The following KDM4C variants were observed in gnomAD, a reference collection of about 807,000 sequenced individuals.
KDM4C encodes lysine-specific demethylase 4C.
In KDM4C, 81 loss-of-function variants were observed where a neutral mutation model predicts 129.3. The observed-to-expected ratio is 0.63, with a 90% CI of 0.52 to 0.75. KDM4C has a LOEUF of 0.75. Ranked by LOEUF, KDM4C falls within the 30% of genes least tolerant of loss-of-function variation. The probability of loss-of-function intolerance (pLI) is 0.00; values close to 1 mark genes in which losing one functional copy is unlikely to be tolerated. For missense variants in KDM4C, 1,457 were observed against 1,304.0 expected (o/e 1.12, Z -1.81); for synonymous variants, 573 against 456.1 (o/e 1.26, Z -3.26).
chr9:6,866,331 A>G (rs1841974853), intron 5 of KDM4C, among the ~76,000 whole-genome samples: 1 of 151,156 alleles, frequency 6.6e-6, no homozygotes, highest in Admixed American at 6.6e-5. Context: ...TTGGTTCCAG[A>G]TGGTGCCTTC....
chr9:6,853,997 C>T (rs1007864333), intron 5 of KDM4C, among the ~76,000 whole-genome samples: 1 of 152,014 alleles, frequency 6.6e-6, no homozygotes, highest in Non-Finnish European at 1.5e-5. Context: ...TACAAATACT[C>T]ATAATTACTA....
intron 1 of KDM4C, among the ~76,000 whole-genome samples, chr9:6,765,948 C>T (rs936040851): frequency 4.6e-5 from 7 of 152,078 alleles, no homozygotes; most frequent in African/African-American, 1.7e-4. Flanking sequence ...GCCACCGCAC[C>T]AGGCTAATTT....
intron 17 of KDM4C, among the ~76,000 whole-genome samples, chr9:7,082,538 A>G (rs533631146): frequency 4.6e-5 from 7 of 152,252 alleles, no homozygotes; most frequent in African/African-American, 1.4e-4. Context: ...GCAGATACAG[A>G]GCTCTGATTG....
At chr9:6,922,863 T>G (rs1046677160) in intron 8 of KDM4C, among the ~76,000 whole-genome samples, 9 of 152,250 alleles carry the variant, frequency 5.9e-5, no homozygotes, top group Non-Finnish European at 1.2e-4. Context: ...CAGGAAGAGA[T>G]GCTTATCTCT....
In KDM4C at chr9:6,761,619, C is replaced by T. The variant is rs146369796; in HGVS notation, c.-18+3416C>T. 4.8e-3 allele frequency among the ~76,000 whole-genome samples: 728 copies of T among 152,262 alleles called. 7 individuals are homozygous for T. The highest frequency in any genetic ancestry group is 0.017 in the African/African-American group (706 of 41,550). The stretch of plus-strand genomic sequence containing the variant: ...ACAGGCGTGAGCCACTGCACCTGGC[C>T]TGATCATCCCTTCCTGTTAGCACAG... On this transcript the variant is annotated intron_variant, in intron 1 of 21. Coordinates refer to ENST00000381309, the MANE Select transcript of KDM4C (RefSeq NM_015061.6).
intron 2 of KDM4C, among the ~76,000 whole-genome samples, chr9:6,801,528 T>C (rs1828966346): frequency 6.6e-6 from 1 of 151,268 alleles, no homozygotes; most frequent in Non-Finnish European, 1.5e-5. Context: ...TGAGCTACCG[T>C]GCCCAGCCTG....
intron 12 of KDM4C, among the ~76,000 whole-genome samples, 162 bp downstream of exon 12, chr9:6,990,686 G>T (rs1304157610): frequency 6.6e-6 from 1 of 152,034 alleles, no homozygotes; most frequent in Non-Finnish European, 1.5e-5. Context: ...AAGGAATTTG[G>T]AACTTAGAGG....
intron 1 of KDM4C, among the ~76,000 whole-genome samples, chr9:6,724,717 G>C (rs1817065855): frequency 6.6e-6 from 1 of 152,028 alleles, no homozygotes; most frequent in Non-Finnish European, 1.5e-5. Flanking sequence ...TTTTAGTAGA[G>C]ATGGGGTTTC....
intron 4 of KDM4C, among the ~76,000 whole-genome samples, chr9:6,828,503 C>A (rs1834259746): frequency 6.6e-6 from 1 of 152,056 alleles, no homozygotes; most frequent in African/African-American, 2.4e-5. Context: ...TGGGCTGCCA[C>A]TTGAGGTAAG....
At chr9:6,806,040 A>G (rs554092003) in intron 3 of KDM4C, among the ~76,000 whole-genome samples, 68 of 152,260 alleles carry the variant, frequency 4.5e-4, no homozygotes, top group African/African-American at 1.5e-3. Flanking sequence ...TTTCGTTTCT[A>G]CACATGATTC....
chr9:6,831,608 C>T (rs946238069), intron 4 of KDM4C, among the ~76,000 whole-genome samples: 3 of 152,138 alleles, frequency 2.0e-5, no homozygotes. Flanking sequence ...CTCTAAAGTG[C>T]TGGGATTACA....
intron 8 of KDM4C, chr9:6,974,829 C>T (rs1280315177): frequency 6.6e-6 from 1 of 152,146 alleles, no homozygotes; most frequent in Admixed American, 6.5e-5. Context: ...ACTTTATCTA[C>T]CCCCGAATAC....
chr9:6,775,467 G>A (rs1045559469), intron 1 of KDM4C, among the ~76,000 whole-genome samples: 16 of 151,992 alleles, frequency 1.1e-4, no homozygotes, highest in African/African-American at 3.6e-4. Flanking sequence ...ATGCTGTAAT[G>A]AACATTATTG....
chr9:6,985,756 T>A (rs2381527), intron 10 of KDM4C, among the ~76,000 whole-genome samples: 23,484 of 152,164 alleles, frequency 0.15, 2,254 homozygotes, highest in South Asian at 0.38. Flanking sequence ...CGTGGCACAA[T>A]CATAGCTCCC....
chr9:7,046,844 A>T lies in KDM4C; in HGVS notation c.2260-18A>T. The T allele has an allele frequency of 6.3e-7, 1 of 1,588,146 alleles. No individual in the cohort carries two copies. The highest frequency in any genetic ancestry group is 8.6e-7 in the Non-Finnish European group (1 of 1,156,962). On this transcript the variant is annotated intron_variant, in intron 15 of 21. Transcript: ENST00000381309. ...TATGTGGGTCTGGTCATCATGTGGT[A>T]TTTTCTTTTCCCCCCAGGAATGCTG...
chr9:6,986,603 C>G lies in KDM4C; in HGVS notation c.1614C>G (p.Gly538=). ...EESDVESHGN[G]LEPGEIPAVP... is the part of the protein sequence containing the mutation. Reference sequence around the variant, plus strand: ...GTGATGTGGAGAGCCATGGGAATGGCCTTGAACCTGGGGAAATCCCAGCGG... The same window carrying G: ...GTGATGTGGAGAGCCATGGGAATGGGCTTGAACCTGGGGAAATCCCAGCGG... The change falls in exon 11 of 22, where the codon GGC becomes GGG. Residue 538 remains glycine (G), a synonymous_variant. Transcript: ENST00000381309. The G allele has an allele frequency of 6.2e-7, 1 of 1,614,012 alleles. No homozygotes were observed. Among genetic ancestry groups the G allele is most frequent in the South Asian group, 1.1e-5 (1 of 91,076 alleles).
chr9:7,094,212 A>G (rs1158515555), intron 17 of KDM4C, among the ~76,000 whole-genome samples: 2 of 152,242 alleles, frequency 1.3e-5, no homozygotes, highest in Non-Finnish European at 2.9e-5. Flanking sequence ...ATCCGGAAGC[A>G]GTATCCTGAT....
intron 8 of KDM4C, among the ~76,000 whole-genome samples, chr9:6,966,941 G>A (rs1831081812): frequency 6.6e-6 from 1 of 152,108 alleles, no homozygotes. Flanking sequence ...ATGATTTAGG[G>A]TCTCGTTAAA....
At chr9:6,831,173 T>C (rs1362734194) in intron 4 of KDM4C, among the ~76,000 whole-genome samples, 1 of 152,148 alleles carries the variant, frequency 6.6e-6, no homozygotes, top group African/African-American at 2.4e-5. Flanking sequence ...CGAAGAAATA[T>C]ATCAGTCAGA....
Sources: allele counts gnomAD v4.1 joint callset (sites outside exome capture counted in the v4.1 genomes callset), GRCh38; gene constraint gnomAD v4.1.1; transcripts MANE v1.5; gene names NCBI Gene and HGNC (gene_info 2026-07-23, HGNC 2026-07-21).